Variants in WDR17 observed in about 807,000 individuals in gnomAD.
WDR17 encodes the protein WD repeat-containing protein 17.
A neutral mutation model predicts 161.7 loss-of-function variants in WDR17; 143 were observed. The ratio of observed to expected loss-of-function variants is 0.88; its 90% CI spans 0.77 to 1.02. WDR17 has a LOEUF of 1.02. Among genes scored for constraint, WDR17 ranks in the 50% least tolerant of loss-of-function variants. The probability of loss-of-function intolerance (pLI) is 0.00; values close to 1 mark genes in which losing one functional copy is unlikely to be tolerated. For missense variants in WDR17, 1,469 were observed against 1,520.9 expected (o/e 0.97, Z 0.57); for synonymous variants, 517 against 515.6 (o/e 1.00, Z -0.04).
intron 5 of WDR17, 145 bp downstream of exon 5, chr4:176,125,500 T>G: frequency 9.6e-7 from 1 of 1,039,030 alleles, no homozygotes; most frequent in Non-Finnish European, 1.3e-6. Context: ...ACTAGTGTAC[T>G]TTTATTTATA....
intron 8 of WDR17, among the ~76,000 whole-genome samples, chr4:176,136,452 A>G (rs988007226): frequency 1.3e-5 from 2 of 151,670 alleles, no homozygotes; most frequent in African/African-American, 4.8e-5. Context: ...TGTAAAAACT[A>G]TTGTTTCAAA....
At chr4:176,148,059 C>CA in intron 12 of WDR17, 74 bp from the exon 13 acceptor site, 1 of 1,287,926 alleles carries the variant, frequency 7.8e-7, no homozygotes, top group Non-Finnish European at 1.1e-6. Flanking sequence ...TTATTATACT[C>CA]TATTAAGAAT....
chr4:176,164,843 A>G (rs1002587590), intron 22 of WDR17, among the ~76,000 whole-genome samples: 1 of 152,144 alleles, frequency 6.6e-6, no homozygotes, highest in Non-Finnish European at 1.5e-5. Flanking sequence ...AGTGTACTTA[A>G]TGGTGACTCT....
intron 1 of WDR17, among the ~76,000 whole-genome samples, chr4:176,096,003 A>T (rs1561090028): frequency 6.6e-6 from 1 of 152,144 alleles, no homozygotes; most frequent in African/African-American, 2.4e-5. Flanking sequence ...TTAGCAATTA[A>T]CTTAAATGTA....
chr4:176,141,261 TTAA>T (rs2126788073), intron 10 of WDR17, among the ~76,000 whole-genome samples: 1 of 152,316 alleles, frequency 6.6e-6, no homozygotes, highest in Non-Finnish European at 1.5e-5. Context: ...AAGTTATAAC[TTAA>T]TGTCTTGGTT....
At position 176,069,240 on chromosome 4, in the gene WDR17, TGAG is replaced by T. The variant is rs530800565; in HGVS notation, c.-7+3164_-7+3166del. Reference sequence around the variant, plus strand: ...TCCAGATGTCACATTATCAGCTACTTGAGGAAAATAATTTATATATATATATTG... The same window carrying T: ...TCCAGATGTCACATTATCAGCTACTTGAAAATAATTTATATATATATATTG... On this transcript the variant is annotated intron_variant, in intron 1 of 28. Transcript: ENST00000508596. Among the ~76,000 whole-genome samples the T allele has an allele frequency of 4.4e-3, 674 of 151,952 alleles. 7 individuals carry two copies. The highest frequency in any genetic ancestry group is 0.016 in the African/African-American group (654 of 41,488).
At chr4:176,136,176 C>A (rs1348350433) in intron 8 of WDR17, among the ~76,000 whole-genome samples, 1 of 151,598 alleles carries the variant, frequency 6.6e-6, no homozygotes, top group Non-Finnish European at 1.5e-5. Context: ...CTTTATGTAT[C>A]CTTCATCTCC....
rs761328235 is a variant in WDR17 at position 176,111,702 on chromosome 4, A to G, written c.122A>G (p.Gln41Arg). ...YCATLAIYIY[Q>R]LDHRYNEFKL... ...GCGACCCTGGCTATCTATATTTATCAGGTAAAATAATAATTCTTTTCCATT... is the reference window on the plus strand; with the variant it reads ...GCGACCCTGGCTATCTATATTTATCGGGTAAAATAATAATTCTTTTCCATT... Residue 41 changes from glutamine to arginine, a missense_variant and splice_region_variant, in exon 2 of 29, where the codon CAG (glutamine) becomes CGG (arginine). Coordinates refer to ENST00000508596, the MANE Select transcript of WDR17 (RefSeq NM_181265.4). 6.4e-7 allele frequency: 1 copy of G among 1,562,638 alleles called. No individual in the cohort carries two copies. Among genetic ancestry groups the G allele is most frequent in the Non-Finnish European group, 8.7e-7 (1 of 1,154,542 alleles).
At chr4:176,177,201 T>C in intron 27 of WDR17, 45 bp downstream of exon 27, 1 of 1,512,832 alleles carries the variant, frequency 6.6e-7, no homozygotes, top group Non-Finnish European at 9.2e-7. Flanking sequence ...AGGTATTTGA[T>C]GTTATAGACA....
At chr4:176,168,126 G>A (rs541586961) in intron 22 of WDR17, among the ~76,000 whole-genome samples, 57 of 151,946 alleles carry the variant, frequency 3.8e-4, no homozygotes, top group African/African-American at 1.1e-3. Flanking sequence ...CAGCCTGGGC[G>A]ACAGAGGGAA....
At chr4:176,074,466 T>C (rs1406039216) in intron 1 of WDR17, among the ~76,000 whole-genome samples, 2 of 151,838 alleles carry the variant, frequency 1.3e-5, no homozygotes, top group Non-Finnish European at 2.9e-5. Flanking sequence ...AATTTCCTTT[T>C]TTTAAAAAAG....
intron 4 of WDR17, among the ~76,000 whole-genome samples, chr4:176,120,591 T>C: frequency 6.6e-6 from 1 of 151,946 alleles, no homozygotes; most frequent in South Asian, 2.1e-4. Flanking sequence ...TGAACCCCTG[T>C]TAGTTAATTG....
intron 23 of WDR17, 44 bp downstream of exon 23, chr4:176,168,827 A>G (rs1462872667): frequency 3.2e-6 from 5 of 1,579,926 alleles, no homozygotes; most frequent in Non-Finnish European, 4.3e-6. Context: ...ATGCAGTGCT[A>G]TGATTTAATT....
chr4:176,104,378 TGGAAA>T (rs1333851683), intron 1 of WDR17, among the ~76,000 whole-genome samples: 3 of 152,088 alleles, frequency 2.0e-5, no homozygotes, highest in Non-Finnish European at 4.4e-5. Flanking sequence ...TGCTAGTATT[TGGAAA>T]CAATGCTATT....
chr4:176,111,786 A>C (rs1053523201), intron 2 of WDR17, 83 bp downstream of exon 2: 19 of 1,199,626 alleles, frequency 1.6e-5, no homozygotes, highest in Non-Finnish European at 1.6e-5. Context: ...TCCTTGTTAC[A>C]TGAAAAACAT....
In WDR17 at chr4:176,091,378, C is replaced by T. The variant is rs774692039; in HGVS notation, c.-6-20197C>T. 1.4e-4 allele frequency among the ~76,000 whole-genome samples: 22 copies of T among 152,158 alleles called. 1 individual carries two copies. The highest frequency in any genetic ancestry group is 2.4e-4 in the Non-Finnish European group (16 of 67,992). On this transcript the variant is annotated intron_variant, in intron 1 of 28. Transcript: ENST00000508596. ...ACTATACAAACACATGGATATTAAA[C>T]AATATGCTCCTGAATGACTGGTGGG...
chr4:176,167,662 A>AAACAAAC (rs1554036564), intron 22 of WDR17, among the ~76,000 whole-genome samples: 2 of 45,266 alleles, frequency 4.4e-5, no homozygotes, highest in Non-Finnish European at 1.3e-4. Flanking sequence ...AAAAAAAAAA[A>AAACAAAC]AAAAAAAAAA....
rs1002731411 is a variant in WDR17, at chr4:176,119,983, C to T, written c.424C>T (p.His142Tyr). 3 of 1,613,908 alleles carry T rather than the reference C, an allele frequency of 1.9e-6. No individual in the cohort carries two copies. In the African/African-American group the frequency reaches 4.0e-5, roughly 22 times the overall value. The change falls in exon 4 of 29, where the codon CAC (histidine) becomes TAC (tyrosine). Residue 142 changes from histidine (H) to tyrosine (Y), a missense_variant. Coordinates refer to ENST00000508596, the MANE Select transcript of WDR17 (RefSeq NM_181265.4). ...AGGACCAGATAGTGGAGTGATTGTA[C>T]ACAAAGATGCTCATAGCTTCTTGTC... Reference protein sequence around the residue: ...ISGPDSGVIVHKDAHSFLSDI... With the variant: ...ISGPDSGVIVYKDAHSFLSDI...
At chr4:176,094,280 T>G (rs561155274) in intron 1 of WDR17, among the ~76,000 whole-genome samples, 2 of 152,326 alleles carry the variant, frequency 1.3e-5, no homozygotes, top group African/African-American at 4.8e-5. Flanking sequence ...TAGCCCTGCA[T>G]GTGCCAATTC....
Sources: gnomAD v4.1 joint callset for allele counts (sites outside exome capture counted in the v4.1 genomes callset) on GRCh38, gnomAD v4.1.1 for gene constraint, MANE v1.5 for transcripts, NCBI Gene and HGNC (gene_info 2026-07-23, HGNC 2026-07-21) for gene names.